SULF1: variants seen among roughly 807,000 people sequenced by gnomAD.
The protein encoded by SULF1 is sulfatase 1.
In SULF1, 46 loss-of-function variants were observed where a neutral mutation model predicts 110.5. The ratio of observed to expected loss-of-function variants is 0.42; its 90% CI spans 0.33 to 0.53. The LOEUF (loss-of-function observed/expected upper bound fraction) is 0.53, where lower values mean the gene tolerates loss of function less well. Ranked by LOEUF, SULF1 falls within the 20% of genes least tolerant of loss-of-function variation. The probability of loss-of-function intolerance (pLI) is 0.12; values close to 1 mark genes in which losing one functional copy is unlikely to be tolerated. For synonymous variants in SULF1, 371 were observed against 387.1 expected (o/e 0.96, Z 0.49); for missense variants, 941 against 1,094.2 (o/e 0.86, Z 1.98).
At chr8:69,541,554 C>T (rs1389150677) in intron 3 of SULF1, among the ~76,000 whole-genome samples, 16 of 152,212 alleles carry the variant, frequency 1.1e-4, no homozygotes, top group African/African-American at 1.7e-4. Flanking sequence ...AAAGTAGAAA[C>T]GAAAGACGTC....
At chr8:69,509,406 A>G (rs1158933041) in intron 3 of SULF1, among the ~76,000 whole-genome samples, 1 of 152,210 alleles carries the variant, frequency 6.6e-6, no homozygotes, top group African/African-American at 2.4e-5. Context: ...AAATAATATA[A>G]CAAAACAAAA....
At chr8:69,494,885 A>G (rs1234950105) in intron 1 of SULF1, among the ~76,000 whole-genome samples, 1 of 123,210 alleles carries the variant, frequency 8.1e-6, no homozygotes, top group Non-Finnish European at 1.6e-5. Context: ...ATCTCAAAGG[A>G]AAAAAAAAAA....
Position 69,627,300 on chromosome 8 carries a change from C to G in SULF1, c.1941C>G (p.Asp647Glu). The change falls in exon 16 of 23, where the codon GAC (aspartate) becomes GAG (glutamate). Residue 647 changes from aspartate to glutamate, a missense_variant. Asp to Glu is a conservative substitution (Grantham distance 45, BLOSUM62 2). Around this residue, in one of 3 missense-constraint regions of SULF1, gnomAD observed 822 missense variants for 934.3 expected, o/e 0.88. Coordinates refer to ENST00000402687, the MANE Select transcript of SULF1 (RefSeq NM_001128205.2). ...GGAAGGACCATAAGGCATACATTGA[C>G]AAAGAGGTTAGCCATGGCTATGTGA... ...RAWKDHKAYI[D>E]KEIEALQDKI... 1 of 1,612,866 alleles carries G rather than the reference C, an allele frequency of 6.2e-7. No homozygotes were observed. Among genetic ancestry groups the G allele is most frequent in the South Asian group, 1.1e-5 (1 of 91,038 alleles).
At chr8:69,589,164 CG>C in intron 8 of SULF1, 23 bp downstream of exon 8, 1 of 1,603,808 alleles carries the variant, frequency 6.2e-7, no homozygotes, top group South Asian at 1.1e-5. Context: ...CTCAACTCTG[CG>C]ACCTGCCGAA....
intron 1 of SULF1, among the ~76,000 whole-genome samples, chr8:69,480,015 T>C (rs1466738790): frequency 6.6e-6 from 1 of 152,124 alleles, no homozygotes; most frequent in Non-Finnish European, 1.5e-5. Context: ...AAAAGCTTTT[T>C]TTTTTTCAGA....
chr8:69,647,565 T>A (rs75958359), intron 22 of SULF1, among the ~76,000 whole-genome samples: 3,672 of 152,222 alleles, frequency 0.024, 64 homozygotes, highest in South Asian at 0.09. Flanking sequence ...TAGCCATTTT[T>A]TATTCCTTTG....
At chr8:69,470,023 CAA>C (rs763452594) in intron 1 of SULF1, among the ~76,000 whole-genome samples, 9 of 151,918 alleles carry the variant, frequency 5.9e-5, no homozygotes, top group Non-Finnish European at 1.2e-4. Context: ...GCCTGGGTGA[CAA>C]GAGTGAAACT....
intron 8 of SULF1, among the ~76,000 whole-genome samples, chr8:69,598,328 A>G (rs575115471): frequency 3.3e-5 from 5 of 152,216 alleles, no homozygotes; most frequent in African/African-American, 4.8e-5. Context: ...TAGGCATTTT[A>G]AGTGCTCTGT....
At chr8:69,581,559 G>A (rs1806063741) in intron 6 of SULF1, among the ~76,000 whole-genome samples, 1 of 152,160 alleles carries the variant, frequency 6.6e-6, no homozygotes, top group Non-Finnish European at 1.5e-5. Flanking sequence ...ATGGGTAAAT[G>A]GCACATTAGT....
intron 3 of SULF1, among the ~76,000 whole-genome samples, chr8:69,560,775 A>T (rs976719164): frequency 6.6e-6 from 1 of 152,114 alleles, no homozygotes; most frequent in Non-Finnish European, 1.5e-5. Context: ...AGTTAAGAGG[A>T]TGACAGGCTT....
intron 6 of SULF1, among the ~76,000 whole-genome samples, chr8:69,585,547 G>A (rs758867486): frequency 2.8e-4 from 43 of 152,122 alleles, no homozygotes; most frequent in African/African-American, 1.0e-3. Flanking sequence ...CAGAGAGACC[G>A]AGTCAGCCCT....
intron 3 of SULF1, among the ~76,000 whole-genome samples, chr8:69,523,511 G>T (rs961742085): frequency 6.6e-6 from 1 of 152,060 alleles, no homozygotes; most frequent in Admixed American, 6.6e-5. Context: ...GGGATTCTAT[G>T]TTCTTCTCCA....
rs148239443 is a variant in SULF1, at chr8:69,609,468, C to T, written c.1377+4536C>T. Among the ~76,000 whole-genome samples the T allele has an allele frequency of 3.3e-4, 50 of 152,300 alleles. 1 individual carries two copies. In the East Asian group the frequency reaches 8.5e-3, roughly 26 times the overall value. ...ATGTCTGGAAGTGAGGCCAAGGAATCTGTATTTTTTAACGAGGTTAAGAAT... is the reference window on the plus strand; with the variant it reads ...ATGTCTGGAAGTGAGGCCAAGGAATTTGTATTTTTTAACGAGGTTAAGAAT... On this transcript the variant is annotated intron_variant, in intron 13 of 22. Coordinates refer to ENST00000402687, the MANE Select transcript of SULF1 (RefSeq NM_001128205.2).
intron 5 of SULF1, among the ~76,000 whole-genome samples, chr8:69,567,779 A>G (rs1349578292): frequency 1.3e-5 from 2 of 152,096 alleles, no homozygotes; most frequent in African/African-American, 2.4e-5. Context: ...CCTATTGTGG[A>G]TAATGCTGCT....
At chr8:69,569,828 C>A (rs1040771107) in intron 5 of SULF1, among the ~76,000 whole-genome samples, 1 of 151,780 alleles carries the variant, frequency 6.6e-6, no homozygotes, top group African/African-American at 2.4e-5. Context: ...CTCTTTTTTC[C>A]CTTCTTCTCC....
At chr8:69,605,117 C>G (rs1464351199) in intron 13 of SULF1, among the ~76,000 whole-genome samples, 185 bp downstream of exon 13, 1 of 152,182 alleles carries the variant, frequency 6.6e-6, no homozygotes, top group African/African-American at 2.4e-5. Flanking sequence ...GCTGGGCCTC[C>G]CCATTACTAC....
intron 22 of SULF1, among the ~76,000 whole-genome samples, chr8:69,645,284 A>G (rs1322319102): frequency 1.3e-5 from 2 of 152,162 alleles, no homozygotes; most frequent in East Asian, 1.9e-4. Flanking sequence ...TACCTTTCCA[A>G]TAGTGACCCT....
chr8:69,603,587 A>G lies in SULF1; in HGVS notation c.1191-13A>G, dbSNP rs772431786. On this transcript the variant is annotated splice_polypyrimidine_tract_variant and intron_variant, in intron 11 of 22. Transcript: ENST00000402687. ...CCAGATGCCAAAAGTAAATATTATCATTTTGCTTTCAGGTTTCGAACAAAC... is the reference window on the plus strand; with the variant it reads ...CCAGATGCCAAAAGTAAATATTATCGTTTTGCTTTCAGGTTTCGAACAAAC... The G allele has an allele frequency of 2.1e-5, 34 of 1,606,902 alleles. 1 individual carries two copies. In the South Asian group the frequency reaches 3.5e-4, roughly 17 times the overall value.
intron 1 of SULF1, among the ~76,000 whole-genome samples, chr8:69,481,801 C>A (rs1809532034): frequency 6.6e-6 from 1 of 152,168 alleles, no homozygotes; most frequent in Non-Finnish European, 1.5e-5. Flanking sequence ...TGATCTCTTT[C>A]TTTTTTATAT....
Sources: allele counts gnomAD v4.1 joint callset (sites outside exome capture counted in the v4.1 genomes callset), GRCh38; gene constraint gnomAD v4.1.1; regional missense constraint gnomAD v4.1.1; transcripts MANE v1.5; gene names NCBI Gene and HGNC (gene_info 2026-07-23, HGNC 2026-07-21).